The following SRRM4 variants were observed in gnomAD, a reference collection of about 807,000 sequenced individuals.
SRRM4 encodes the protein serine/arginine repetitive matrix protein 4.
Under a neutral mutation model 68.9 loss-of-function variants are expected in SRRM4, and 33 were observed. That is an observed-to-expected ratio of 0.48 (90% CI 0.36 to 0.64). SRRM4 has a LOEUF of 0.64. Ranked by LOEUF, SRRM4 falls within the 30% of genes least tolerant of loss-of-function variation. The pLI is 0.00. For missense variants in SRRM4, 817 were observed against 827.1 expected (o/e 0.99, Z 0.15); for synonymous variants, 318 against 318.8 (o/e 1.00, Z 0.03).
intron 1 of SRRM4, among the ~76,000 whole-genome samples, chr12:119,014,388 C>A (rs1953468733): frequency 6.6e-6 from 1 of 152,030 alleles, no homozygotes; most frequent in South Asian, 2.1e-4. Context: ...TCCCCGATCC[C>A]CACCCCCCAC....
In SRRM4 at chr12:119,112,790, T is replaced by A. The variant is rs139206565; in HGVS notation, c.279-1488T>A. Among the ~76,000 whole-genome samples, 436 of 152,098 alleles carry A rather than the reference T, an allele frequency of 2.9e-3. 1 individual carries two copies. The highest frequency in any genetic ancestry group is 6.8e-3 in the Middle Eastern group (2 of 294). ...ACACAGGAAGGGGAACATCACACAC[T>A]GGGGCCTGTTGGGGGAGAGTGGTGG... On this transcript the variant is annotated intron_variant, in intron 2 of 12. Transcript: ENST00000267260.
At chr12:119,138,836 T>A (rs1162318306) in intron 8 of SRRM4, among the ~76,000 whole-genome samples, 1 of 152,156 alleles carries the variant, frequency 6.6e-6, no homozygotes, top group African/African-American at 2.4e-5. Flanking sequence ...TTTCATGCCA[T>A]ACCCCGAAAG....
intron 1 of SRRM4, among the ~76,000 whole-genome samples, chr12:119,005,197 C>G (rs979805448): frequency 6.6e-6 from 1 of 152,220 alleles, no homozygotes; most frequent in South Asian, 2.1e-4. Flanking sequence ...GGGATTAACC[C>G]TTTCCTGTCC....
intron 2 of SRRM4, chr12:119,114,071 C>A (rs1954161846): frequency 2.2e-6 from 1 of 448,892 alleles, no homozygotes; most frequent in African/African-American, 1.9e-5. Context: ...GGGTAACGTA[C>A]AACGTCTGTC....
chr12:119,140,796 G>T (rs1318760522), intron 8 of SRRM4, among the ~76,000 whole-genome samples: 1 of 152,352 alleles, frequency 6.6e-6, no homozygotes, highest in Non-Finnish European at 1.5e-5. Context: ...TTCTCCCAGG[G>T]TCCTCGGTCT....
chr12:119,160,309 C>CTT lies in SRRM4; in HGVS notation c.*3512_*3513insTT, dbSNP rs1954504805. 6.7e-6 allele frequency: 1 copy of CTT among 150,232 alleles called. No homozygotes were observed. The highest frequency in any genetic ancestry group is 2.5e-5 in the African/African-American group (1 of 40,306). The allele number at this position is 150,232 out of a possible 1,614,324, so 9.3% of individuals were successfully genotyped here. A position where few individuals can be genotyped will look rare whatever the true frequency, so the allele number is the denominator to read the frequency against. ...TCTCTGTCTCTCTCTCTCTCTCTCT[C>CTT]TCTCTCTCTCTCTCAGTGTATTTCT... On this transcript the variant is annotated 3_prime_UTR_variant, in exon 13 of 13. Coordinates refer to ENST00000267260, the MANE Select transcript of SRRM4 (RefSeq NM_194286.4).
chr12:119,115,502 C>T (rs187841923), intron 3 of SRRM4, among the ~76,000 whole-genome samples: 13 of 152,272 alleles, frequency 8.5e-5, no homozygotes, highest in Non-Finnish European at 1.8e-4. Flanking sequence ...CAGAGAGCAG[C>T]ATCTGATGAC....
chr12:119,145,187 T>TAAA (rs371536458), intron 8 of SRRM4, among the ~76,000 whole-genome samples, 194 bp from the exon 9 acceptor site: 4 of 150,322 alleles, frequency 2.7e-5, no homozygotes, highest in African/African-American at 7.3e-5. Flanking sequence ...TAGCAGGGGG[T>TAAA]AAAAAAAAAA....
chr12:119,118,082 C>G (rs12582367), intron 4 of SRRM4, among the ~76,000 whole-genome samples: 1 of 152,080 alleles, frequency 6.6e-6, no homozygotes, highest in African/African-American at 2.4e-5. Context: ...TATTTTCCCA[C>G]GAGCAACCAT....
chr12:119,095,875 A>G (rs1182616535), intron 1 of SRRM4, among the ~76,000 whole-genome samples: 1 of 149,536 alleles, frequency 6.7e-6, no homozygotes, highest in East Asian at 2.0e-4. Context: ...CAGGAGAATC[A>G]CTTGAACCCG....
chr12:119,095,949 G>A (rs1282787103), intron 1 of SRRM4, among the ~76,000 whole-genome samples: 1 of 115,110 alleles, frequency 8.7e-6, no homozygotes, highest in Non-Finnish European at 1.8e-5. Context: ...GATAGATTGA[G>A]CCTCAGTCTC....
At chr12:119,076,220 G>A (rs2136029079) in intron 1 of SRRM4, among the ~76,000 whole-genome samples, 1 of 152,216 alleles carries the variant, frequency 6.6e-6, no homozygotes, top group East Asian at 1.9e-4. Flanking sequence ...TTTATTGAGG[G>A]TTTACTATAT....
At position 119,081,223 on chromosome 12, in the gene SRRM4, T is replaced by C. The variant is rs1216433486; in HGVS notation, c.132-21013T>C. ...ATGATCATATTATATTACAGGGTAA[T>C]AAATACTATAGACAGAAATAAAGCA... On this transcript the variant is annotated intron_variant, in intron 1 of 12. Coordinates refer to ENST00000267260, the MANE Select transcript of SRRM4 (RefSeq NM_194286.4). Among the ~76,000 whole-genome samples, 4 of 152,078 alleles carry C rather than the reference T, an allele frequency of 2.6e-5. No homozygotes were observed. The East Asian group carries it at 7.7e-4, about 29-fold the overall frequency.
At chr12:119,143,901 C>T (rs1450382875) in intron 8 of SRRM4, among the ~76,000 whole-genome samples, 2 of 152,096 alleles carry the variant, frequency 1.3e-5, no homozygotes, top group African/African-American at 4.8e-5. Flanking sequence ...ATGGTTATCT[C>T]TGGAGAAGGC....
intron 1 of SRRM4, among the ~76,000 whole-genome samples, chr12:118,996,171 T>A (rs1392567400): frequency 5.3e-5 from 8 of 152,194 alleles, no homozygotes; most frequent in Non-Finnish European, 8.8e-5. Context: ...ATTATTTTTT[T>A]CAAGACCACA....
rs1954457796 is a variant in SRRM4, at chr12:119,154,224, A to AC, written c.1392-13dup. On this transcript the variant is annotated intron_variant, in intron 11 of 12. Transcript: ENST00000267260. The surrounding 1 kb of genome is among the most constrained non-coding windows in gnomAD (Gnocchi z 4.7). The stretch of plus-strand genomic sequence containing the variant: ...CCAGCCCAGCCCCAGCTCCCCAGTA[A>AC]CCCCCCGCGCCCCTTCAGGGAGCGG... 4 of 1,583,640 alleles carry AC rather than the reference A, an allele frequency of 2.5e-6. No homozygotes were observed. Among genetic ancestry groups the AC allele is most frequent in the Non-Finnish European group, 8.6e-7 (1 of 1,163,056 alleles).
intron 1 of SRRM4, among the ~76,000 whole-genome samples, chr12:119,095,402 C>T (rs868579645): frequency 1.1e-4 from 17 of 152,094 alleles, no homozygotes; most frequent in South Asian, 4.1e-4. Flanking sequence ...CCTGGATGCA[C>T]GGGTAGAACA....
chr12:119,072,808 T>C (rs1953885964), intron 1 of SRRM4, among the ~76,000 whole-genome samples: 1 of 152,210 alleles, frequency 6.6e-6, no homozygotes, highest in Admixed American at 6.5e-5. Context: ...TTCACATGCA[T>C]GAATTCTCAC....
intron 1 of SRRM4, among the ~76,000 whole-genome samples, chr12:119,011,056 CA>C (rs1197744481): frequency 6.6e-6 from 1 of 151,884 alleles, no homozygotes; most frequent in African/African-American, 2.4e-5. Flanking sequence ...GGATGTACAC[CA>C]AACTGTCAAT....
Sources: allele counts gnomAD v4.1 joint callset (sites outside exome capture counted in the v4.1 genomes callset), GRCh38; gene constraint gnomAD v4.1.1; non-coding constraint Gnocchi (gnomAD v3.1); transcripts MANE v1.5; gene names NCBI Gene and HGNC (gene_info 2026-07-23, HGNC 2026-07-21).